The following ZDHHC15 variants were observed in gnomAD, a reference collection of about 807,000 sequenced individuals.
ZDHHC15 encodes the protein zDHHC palmitoyltransferase 15, also known as palmitoyltransferase ZDHHC15.
Under a neutral mutation model 31.7 loss-of-function variants are expected in ZDHHC15, and 19 were observed. The observed-to-expected ratio is 0.60, with a 90% CI of 0.42 to 0.88. ZDHHC15 has a LOEUF of 0.88. ZDHHC15 is among the 40% of genes least tolerant of loss of function. The pLI, the probability that ZDHHC15 is intolerant of heterozygous loss-of-function variation, is 0.00. For synonymous variants in ZDHHC15, 103 were observed against 90.0 expected (o/e 1.14, Z -0.82); for missense variants, 209 against 251.2 (o/e 0.83, Z 1.14).
At chrX:75,450,636 T>C in intron 4 of ZDHHC15, 166 bp downstream of exon 4, 1 of 1,030,383 alleles carries the variant, frequency 9.7e-7, no homozygotes, top group Non-Finnish European at 1.3e-6. Flanking sequence ...TCTTCCAGCT[T>C]TGATATGTGT....
rs1434789573 is a variant in ZDHHC15, at chrX:75,369,700, C to T, written c.*3278G>A. ...ATGGGGCTAGTAGGGGAAAGAGGCA[C>T]ATATTGCATTCTTATCACATAGAAA... On this transcript the variant is annotated 3_prime_UTR_variant, in exon 12 of 12. Transcript: ENST00000373367. 9.0e-6 allele frequency: 1 copy of T among 111,552 alleles called. No individual in the cohort carries two copies. Among genetic ancestry groups the T allele is most frequent in the African/African-American group, 3.3e-5 (1 of 30,630 alleles). 9.2% of individuals were successfully genotyped at this position (111,552 alleles called of 1,213,427 possible). A position where few individuals can be genotyped will look rare whatever the true frequency, so the allele number is the denominator to read the frequency against.
chrX:75,398,978 C>T (rs998229820), intron 10 of ZDHHC15, among the ~76,000 whole-genome samples: 1 of 112,159 alleles, frequency 8.9e-6, no homozygotes, highest in Non-Finnish European at 1.9e-5. Context: ...AGCAACAGGT[C>T]TGTAACTCCC....
At chrX:75,490,939 C>A (rs1047652871) in intron 2 of ZDHHC15, among the ~76,000 whole-genome samples, 9 of 111,728 alleles carry the variant, frequency 8.1e-5, no homozygotes, top group African/African-American at 2.0e-4. Context: ...CCATCTCACA[C>A]CAGTTAGAAT....
At chrX:75,397,559 TA>T in intron 10 of ZDHHC15, among the ~76,000 whole-genome samples, 1 of 110,822 alleles carries the variant, frequency 9.0e-6, no homozygotes, top group Middle Eastern at 4.6e-3. Flanking sequence ...AAACTTGTTT[TA>T]AAAGGCATAG....
chrX:75,471,618 A>G (rs1443198366), intron 3 of ZDHHC15, among the ~76,000 whole-genome samples: 1 of 112,072 alleles, frequency 8.9e-6, no homozygotes, highest in African/African-American at 3.2e-5. Flanking sequence ...GATGCAACAC[A>G]TTCCTCATTT....
rs748111633 is a variant in ZDHHC15 at position 75,467,561 on chromosome X, C to T, written c.258+11330G>A. Among the ~76,000 whole-genome samples, 7 of 112,049 alleles carry T rather than the reference C, an allele frequency of 6.2e-5. No individual in the cohort carries two copies. The South Asian group carries it at 2.6e-3, about 42-fold the overall frequency. Reference sequence around the variant, plus strand: ...GTGGCTATTAAATTGGCCCAATGTACTCTCCTTTTCTTTTTACACGTTAAA... The same window carrying T: ...GTGGCTATTAAATTGGCCCAATGTATTCTCCTTTTCTTTTTACACGTTAAA... On this transcript the variant is annotated intron_variant, in intron 3 of 11. Transcript: ENST00000373367.
chrX:75,386,491 T>C (rs2083181221), intron 10 of ZDHHC15, among the ~76,000 whole-genome samples: 1 of 111,899 alleles, frequency 8.9e-6, no homozygotes, highest in African/African-American at 3.2e-5. Flanking sequence ...TAGATTTTTT[T>C]TTGAGACAGG....
intron 10 of ZDHHC15, among the ~76,000 whole-genome samples, chrX:75,386,509 G>A (rs534461384): frequency 9.0e-6 from 1 of 111,352 alleles, no homozygotes; most frequent in African/African-American, 3.3e-5. Context: ...AGGGTCTCAC[G>A]CTGTTGCCCA....
chrX:75,409,980 A>T (rs932913414), intron 10 of ZDHHC15, among the ~76,000 whole-genome samples: 6 of 110,323 alleles, frequency 5.4e-5, no homozygotes, highest in Admixed American at 4.9e-4. Flanking sequence ...AGAACATACA[A>T]TGTAGAAAGA....
intron 3 of ZDHHC15, among the ~76,000 whole-genome samples, chrX:75,474,140 G>A (rs2084550205): frequency 9.0e-6 from 1 of 110,671 alleles, no homozygotes; most frequent in South Asian, 3.9e-4. Flanking sequence ...TGCCATAGGA[G>A]ATTAAGATTT....
intron 2 of ZDHHC15, among the ~76,000 whole-genome samples, chrX:75,495,640 A>T (rs758588465): frequency 9.1e-6 from 1 of 110,286 alleles, no homozygotes. Flanking sequence ...AGAGACATGG[A>T]TGAAACTGTA....
At position 75,368,965 on chromosome X, in the gene ZDHHC15, G is replaced by C. The variant is rs1288268108; in HGVS notation, c.*4013C>G. ...ATTATATAATACCCGCATGCAAAAG[G>C]CTACAATTTAATATGGTACATTACA... On this transcript the variant is annotated 3_prime_UTR_variant, in exon 12 of 12. Transcript: ENST00000373367. The C allele has an allele frequency of 1.8e-5, 2 of 111,450 alleles. No homozygotes were observed. Among genetic ancestry groups the C allele is most frequent in the African/African-American group, 6.5e-5 (2 of 30,647 alleles). The allele number at this position is 111,450 out of a possible 1,213,427, so 9.2% of individuals were successfully genotyped here.
intron 11 of ZDHHC15, among the ~76,000 whole-genome samples, chrX:75,375,316 G>A (rs2083049066): frequency 8.9e-6 from 1 of 112,223 alleles, no homozygotes; most frequent in African/African-American, 3.2e-5. Flanking sequence ...TTTCTTTACA[G>A]TGAAGTTGAA....
At chrX:75,470,747 G>T (rs146512504) in intron 3 of ZDHHC15, among the ~76,000 whole-genome samples, 94 of 111,686 alleles carry the variant, frequency 8.4e-4, no homozygotes, top group African/African-American at 2.8e-3. Context: ...TTTCCCCAGT[G>T]CCAGAATGCA....
intron 10 of ZDHHC15, among the ~76,000 whole-genome samples, chrX:75,395,714 A>G (rs760637122): frequency 1.8e-5 from 2 of 111,844 alleles, no homozygotes; most frequent in Non-Finnish European, 3.8e-5. Context: ...ATGGAACCAC[A>G]AAAGACCCAG....
intron 4 of ZDHHC15, among the ~76,000 whole-genome samples, chrX:75,441,747 C>A (rs1463509573): frequency 9.2e-6 from 1 of 109,131 alleles, no homozygotes; most frequent in East Asian, 2.9e-4. Flanking sequence ...CCTTAGCCCC[C>A]CGAGTAGCTG....
intron 3 of ZDHHC15, among the ~76,000 whole-genome samples, chrX:75,451,580 C>A (rs1285621229): frequency 9.0e-6 from 1 of 111,101 alleles, no homozygotes; most frequent in Admixed American, 9.6e-5. Context: ...TCTATCTGTG[C>A]CGAAGGGTAG....
At chrX:75,384,772 A>G in intron 10 of ZDHHC15, 1 of 968,947 alleles carries the variant, frequency 1.0e-6, no homozygotes, top group Non-Finnish European at 1.5e-6. Context: ...CTTTGTGAGA[A>G]CCAATGGGAA....
chrX:75,517,201 T>G (rs2085371530), intron 1 of ZDHHC15, among the ~76,000 whole-genome samples: 1 of 111,599 alleles, frequency 9.0e-6, no homozygotes, highest in Non-Finnish European at 1.9e-5. Flanking sequence ...GATCTAGAAC[T>G]AGAAATACTA....
Sources: allele counts gnomAD v4.1 joint callset (sites outside exome capture counted in the v4.1 genomes callset), GRCh38; gene constraint gnomAD v4.1.1; transcripts MANE v1.5; gene names NCBI Gene and HGNC (gene_info 2026-07-23, HGNC 2026-07-21).